TGFBR3: variants seen among roughly 807,000 people sequenced by gnomAD.
The protein encoded by TGFBR3 is transforming growth factor beta receptor 3, also known as transforming growth factor beta receptor type 3.
In TGFBR3, 46 loss-of-function variants were observed where a neutral mutation model predicts 87.9. That is an observed-to-expected ratio of 0.52 (90% confidence interval 0.41 to 0.67). TGFBR3 has a LOEUF of 0.67. TGFBR3 is among the 30% of genes least tolerant of loss of function. TGFBR3 has a pLI of 0.00. For synonymous variants in TGFBR3, 381 were observed against 391.6 expected (o/e 0.97, Z 0.32); for missense variants, 866 against 1,041.9 (o/e 0.83, Z 2.32).
At chr1:91,803,539 CTT>C (rs545937797) in intron 2 of TGFBR3, among the ~76,000 whole-genome samples, 1 of 145,724 alleles carries the variant, frequency 6.9e-6, no homozygotes, top group African/African-American at 2.5e-5. Context: ...CTCTGAACTG[CTT>C]TTTTTTTTTT....
intron 2 of TGFBR3, among the ~76,000 whole-genome samples, chr1:91,891,741 T>C (rs1318951592): frequency 6.6e-6 from 1 of 152,202 alleles, no homozygotes; most frequent in Admixed American, 6.5e-5. Flanking sequence ...CAAACTACAG[T>C]ATCTGCCCTT....
intron 2 of TGFBR3, among the ~76,000 whole-genome samples, chr1:91,855,692 T>C (rs1212578048): frequency 6.6e-6 from 1 of 152,154 alleles, no homozygotes; most frequent in Non-Finnish European, 1.5e-5. Flanking sequence ...AGCAGATATT[T>C]TCAATAATAG....
In TGFBR3 at chr1:91,682,597, G is replaced by A. The variant is rs1469468558; in HGVS notation, c.*1142C>T. ...CCTTTTCCAATCTCAGCACTGTCTT[G>A]GTGGAATTGGTGACACTATTCAGAT... On this transcript the variant is annotated 3_prime_UTR_variant, in exon 17 of 17. Transcript: ENST00000212355. The A allele has an allele frequency of 6.6e-6, 3 of 453,590 alleles. No individual in the cohort carries two copies. The highest frequency in any genetic ancestry group is 2.0e-5 in the African/African-American group (1 of 49,854). The allele number at this position is 453,590 out of a possible 1,614,324, so 28.1% of individuals were successfully genotyped here.
chr1:91,729,788 C>G lies in TGFBR3; in HGVS notation c.737+17G>C. On this transcript the variant is annotated intron_variant, in intron 6 of 16. Transcript: ENST00000212355. ...ACTTTCATCTCTTGTCACACTCACA[C>G]ACTTAGACTCACTTACCTGTAGGGG... 6.2e-7 allele frequency: 1 copy of G among 1,614,028 alleles called. No individual in the cohort carries two copies. The highest frequency in any genetic ancestry group is 2.2e-5 in the East Asian group (1 of 44,878).
chr1:91,684,419 C>T (rs751326183), intron 16 of TGFBR3, among the ~76,000 whole-genome samples: 2 of 152,108 alleles, frequency 1.3e-5, no homozygotes, highest in Admixed American at 6.5e-5. Flanking sequence ...CCTGAGAAAC[C>T]GGGGTGGGGG....
rs1436187456 is a variant in TGFBR3, at chr1:91,692,157, T to C, written c.2437+3515A>G. Among the ~76,000 whole-genome samples the C allele has an allele frequency of 3.3e-5, 5 of 152,188 alleles. 1 individual carries two copies. Among genetic ancestry groups the C allele is most frequent in the Non-Finnish European group, 7.4e-5 (5 of 68,024 alleles). ...TAGGTAGTCATAATAATGTAAACAG[T>C]AAATGCTGCTCTAACCAAAATGTCA... On this transcript the variant is annotated intron_variant, in intron 16 of 16. Transcript: ENST00000212355.
chr1:91,760,216 C>T (rs284178), intron 3 of TGFBR3, among the ~76,000 whole-genome samples: 125,704 of 152,194 alleles, frequency 0.83, 51,984 homozygotes, highest in African/African-American at 0.85. Context: ...AGGCCAGGAG[C>T]TTGAGACCAG....
chr1:91,818,149 G>T (rs1206837478), intron 2 of TGFBR3, among the ~76,000 whole-genome samples: 2 of 151,800 alleles, frequency 1.3e-5, no homozygotes, highest in Non-Finnish European at 1.5e-5. Context: ...AGAGCAGTGA[G>T]ATTTCTCACC....
chr1:91,823,156 C>T (rs1480936980), intron 2 of TGFBR3, among the ~76,000 whole-genome samples: 1 of 152,078 alleles, frequency 6.6e-6, no homozygotes, highest in Non-Finnish European at 1.5e-5. Context: ...CTCCCTAATT[C>T]ACCTCAAAGA....
chr1:91,719,381 C>G lies in TGFBR3; in HGVS notation c.1497G>C (p.Glu499Asp). The change falls in exon 10 of 17, where the codon GAG (glutamate) becomes GAC (aspartate). Residue 499 changes from glutamate to aspartate, a missense_variant. Transcript: ENST00000212355. ...GAGTACCGCAGCCATTCAGAGGAGA[C>G]TCCAAAACAAAGTGTGTGCCATTCA... ...AKMNGTHFVLESPLNGCGTRP... is the reference protein window; with the variant it reads ...AKMNGTHFVLDSPLNGCGTRP... 6.2e-7 allele frequency: 1 copy of G among 1,614,192 alleles called. No homozygotes were observed. The highest frequency in any genetic ancestry group is 8.5e-7 in the Non-Finnish European group (1 of 1,180,042).
At chr1:91,734,716 A>T (rs765015819) in intron 5 of TGFBR3, 60 bp downstream of exon 5, 2 of 1,594,894 alleles carry the variant, frequency 1.3e-6, no homozygotes, top group Non-Finnish European at 1.7e-6. Context: ...ACCTGGTTTC[A>T]GAAAAGAAAA....
At chr1:91,713,665 C>T (rs1672065629) in intron 12 of TGFBR3, among the ~76,000 whole-genome samples, 2 of 152,168 alleles carry the variant, frequency 1.3e-5, no homozygotes, top group African/African-American at 2.4e-5. Flanking sequence ...AAGATTCCTA[C>T]GTGGTGGTTA....
chr1:91,716,164 A>G, intron 12 of TGFBR3, 72 bp downstream of exon 12: 1 of 1,584,664 alleles, frequency 6.3e-7, no homozygotes, highest in Non-Finnish European at 8.7e-7. Flanking sequence ...TGTACAGGGT[A>G]TTTTAGCTGA....
At chr1:91,878,319 TCA>T (rs1267603224) in intron 1 of TGFBR3, among the ~76,000 whole-genome samples, 6 of 151,120 alleles carry the variant, frequency 4.0e-5, no homozygotes, top group South Asian at 2.1e-4. Flanking sequence ...CCAGCAATTA[TCA>T]CACAGTTAGT....
chr1:91,726,260 G>A (rs1001379135), intron 7 of TGFBR3, among the ~76,000 whole-genome samples: 3 of 152,166 alleles, frequency 2.0e-5, no homozygotes, highest in African/African-American at 7.2e-5. Flanking sequence ...AAGAACTCCA[G>A]CAGGGAATTA....
At chr1:91,736,920 G>A (rs557890784) in intron 4 of TGFBR3, among the ~76,000 whole-genome samples, 2 of 152,290 alleles carry the variant, frequency 1.3e-5, no homozygotes, top group African/African-American at 4.8e-5. Flanking sequence ...GTTTTTCAGA[G>A]CGGAAAGCGG....
At chr1:91,686,600 G>T (rs1671096955) in intron 16 of TGFBR3, among the ~76,000 whole-genome samples, 1 of 48,708 alleles carries the variant, frequency 2.1e-5, no homozygotes, top group Non-Finnish European at 4.2e-5. Context: ...CTTACCTTTT[G>T]ACAGATTAAG....
At chr1:91,835,093 C>A (rs1455143295) in intron 2 of TGFBR3, among the ~76,000 whole-genome samples, 1 of 152,206 alleles carries the variant, frequency 6.6e-6, no homozygotes, top group Admixed American at 6.5e-5. Context: ...CACTGCCTAT[C>A]CCCTGTCTGG....
intron 13 of TGFBR3, 26 bp from the exon 14 acceptor site, chr1:91,708,809 G>C (rs1305724074): frequency 1.2e-6 from 2 of 1,612,704 alleles, no homozygotes; most frequent in Admixed American, 3.3e-5. Flanking sequence ...ACAAAGCACA[G>C]AATCAGGGGC....
Sources: allele counts gnomAD v4.1 joint callset (sites outside exome capture counted in the v4.1 genomes callset), GRCh38; gene constraint gnomAD v4.1.1; transcripts MANE v1.5; gene names NCBI Gene and HGNC (gene_info 2026-07-23, HGNC 2026-07-21).